ECHDC1: variants seen among roughly 807,000 people sequenced by gnomAD.
ECHDC1 encodes the protein ethylmalonyl-CoA decarboxylase 1, also known as ethylmalonyl-CoA decarboxylase.
Under a neutral mutation model 29.7 loss-of-function variants are expected in ECHDC1, and 29 were observed. The observed-to-expected ratio is 0.98, with a 90% CI of 0.73 to 1.33. The LOEUF is 1.33. Ranked by LOEUF, ECHDC1 falls within the 40% of genes most tolerant of loss-of-function variation. The probability of loss-of-function intolerance (pLI) is 0.00; values close to 1 mark genes in which losing one functional copy is unlikely to be tolerated. For synonymous variants in ECHDC1, 126 were observed against 123.1 expected (o/e 1.02, Z -0.15); for missense variants, 328 against 350.0 (o/e 0.94, Z 0.50).
At chr6:127,327,414 A>G (rs1235397417) in intron 2 of ECHDC1, among the ~76,000 whole-genome samples, 1 of 152,204 alleles carries the variant, frequency 6.6e-6, no homozygotes, top group African/African-American at 2.4e-5. Flanking sequence ...ATGTAGAAGA[A>G]TAAGAATATA....
At chr6:127,324,281 A>G (rs1191533136) in intron 3 of ECHDC1, among the ~76,000 whole-genome samples, 20 of 152,202 alleles carry the variant, frequency 1.3e-4, no homozygotes, top group Admixed American at 1.3e-3. Context: ...AAAATGTTAC[A>G]GTAGCTCCCT....
At chr6:127,315,298 T>G (rs997324067) in intron 4 of ECHDC1, 3 of 354,294 alleles carry the variant, frequency 8.5e-6, no homozygotes, top group African/African-American at 6.4e-5. Context: ...TGGTATCAGG[T>G]TAAAAGTTGG....
intron 5 of ECHDC1, 109 bp downstream of exon 5, chr6:127,314,707 A>G (rs1373504633): frequency 3.9e-6 from 3 of 767,902 alleles, no homozygotes; most frequent in Non-Finnish European, 6.1e-6. Flanking sequence ...CAGAAAAGAA[A>G]ATAGGTTTAT....
intron 5 of ECHDC1, among the ~76,000 whole-genome samples, chr6:127,314,608 A>T (rs1782209615): frequency 6.6e-6 from 1 of 152,054 alleles, no homozygotes; most frequent in South Asian, 2.1e-4. Flanking sequence ...TGTTTTGTTA[A>T]TTTTTTGAAA....
chr6:127,311,448 C>T (rs1781891610), intron 5 of ECHDC1, among the ~76,000 whole-genome samples: 1 of 151,546 alleles, frequency 6.6e-6, no homozygotes. Flanking sequence ...CAGAGGCAGG[C>T]CCTGGATCAC....
At chr6:127,319,814 A>G (rs1782693185) in intron 3 of ECHDC1, among the ~76,000 whole-genome samples, 1 of 152,222 alleles carries the variant, frequency 6.6e-6, no homozygotes, top group South Asian at 2.1e-4. Context: ...GCTCCTTCTC[A>G]TAAAACAAGG....
At chr6:127,297,155 A>T (rs1780676506) in intron 5 of ECHDC1, among the ~76,000 whole-genome samples, 1 of 152,252 alleles carries the variant, frequency 6.6e-6, no homozygotes, top group Admixed American at 6.5e-5. Context: ...GGAATGCAAG[A>T]CTTGTCTATC....
chr6:127,299,447 TAA>T lies in ECHDC1; in HGVS notation c.498-9172_498-9171del, dbSNP rs78172720. Among the ~76,000 whole-genome samples the T allele has an allele frequency of 1.1e-4, 8 of 72,738 alleles. No individual in the cohort carries two copies. The East Asian group carries it at 1.9e-3, about 17-fold the overall frequency. 47.7% of individuals were successfully genotyped at this position (72,738 alleles called of 152,430 possible). On this transcript the variant is annotated intron_variant, in intron 5 of 5. Transcript: ENST00000454859. ...TGTGTGTGTTTGTCTTAGCTTTTAA[TAA>T]AAAAAAAAAAAAACTTTTAAAAAAG...
At chr6:127,305,547 GTCTTA>G (rs200431112) in intron 5 of ECHDC1, among the ~76,000 whole-genome samples, 2,434 of 152,174 alleles carry the variant, frequency 0.016, 41 homozygotes, top group Middle Eastern at 0.054. Flanking sequence ...CTGTAACTGT[GTCTTA>G]TCTTAAGTAG....
At chr6:127,317,745 T>TAGTTACCAAGTAC (rs1196964913) in intron 3 of ECHDC1, 1 of 151,318 alleles carries the variant, frequency 6.6e-6, no homozygotes, top group Non-Finnish European at 1.5e-5. Context: ...CACACTCAGT[T>TAGTTACCAAGTAC]AGTTACCAAG....
At position 127,290,144 on chromosome 6, in the gene ECHDC1, T is replaced by A; in HGVS notation, c.631A>T (p.Lys211Ter). The A allele has an allele frequency of 3.1e-6, 5 of 1,613,764 alleles. No individual in the cohort carries two copies. Among genetic ancestry groups the A allele is most frequent in the Non-Finnish European group, 4.2e-6 (5 of 1,179,778 alleles). ...QALKVLSGAL[K>*]LDSKNALNIG... ...TTTAGAGCATTTTTTGAATCCAGTT[T>A]AAGGGCCCCACTCAACACTTTGAGA... The change falls in exon 6 of 6, where the codon AAA (lysine) becomes TAA (stop). Residue 211 changes from lysine (K) to a stop codon, truncating the protein, a stop_gained. Coordinates refer to ENST00000454859, the MANE Select transcript of ECHDC1 (RefSeq NM_001002030.2). LOFTEE classifies it high-confidence loss of function.
intron 3 of ECHDC1, among the ~76,000 whole-genome samples, chr6:127,320,745 G>A (rs577133384): frequency 2.6e-5 from 4 of 152,068 alleles, no homozygotes; most frequent in South Asian, 4.2e-4. Context: ...TTTCAGCAGG[G>A]TTAATGTTTG....
rs745971048 is a variant in ECHDC1 at position 127,327,029 on chromosome 6, A to G, written c.336T>C (p.Asn112=). 6.2e-7 allele frequency: 1 copy of G among 1,613,994 alleles called. No homozygotes were observed. The highest frequency in any genetic ancestry group is 8.5e-7 in the Non-Finnish European group (1 of 1,179,960). ...CTGGAGTTCCTAGTGATTTCACAGC[A>G]TTCAGATCAGATCCTGAAGAGAAAG... is the stretch of plus-strand genomic sequence containing the variant. ...KNTFSSGSDL[N]AVKSLGTPED... Residue 112 remains asparagine, a synonymous_variant, in exon 3 of 6, where the codon AAT becomes AAC. Transcript: ENST00000454859.
intron 5 of ECHDC1, among the ~76,000 whole-genome samples, chr6:127,301,441 CAT>C (rs1047068418): frequency 6.6e-6 from 1 of 152,176 alleles, no homozygotes; most frequent in Non-Finnish European, 1.5e-5. Context: ...AGGGCCAACA[CAT>C]ATAAAGAAGG....
intron 1 of ECHDC1, chr6:127,342,243 C>G: frequency 8.9e-7 from 1 of 1,126,238 alleles, no homozygotes; most frequent in South Asian, 1.8e-5. Context: ...GTCTTAGCTG[C>G]AAGAGGGCAT....
At chr6:127,313,640 T>C (rs185131060) in intron 5 of ECHDC1, 18 of 454,482 alleles carry the variant, frequency 4.0e-5, no homozygotes, top group African/African-American at 3.0e-4. Context: ...ATATCCAGTA[T>C]TTTTCTTAGC....
chr6:127,303,084 G>A (rs1373346066), intron 5 of ECHDC1, among the ~76,000 whole-genome samples: 1 of 152,070 alleles, frequency 6.6e-6, no homozygotes, highest in African/African-American at 2.4e-5. Context: ...TGAGCATGAA[G>A]TGACATATTT....
intron 5 of ECHDC1, among the ~76,000 whole-genome samples, chr6:127,291,442 T>C (rs1780173808): frequency 6.6e-6 from 1 of 152,046 alleles, no homozygotes; most frequent in African/African-American, 2.4e-5. Context: ...TGGATTAGAC[T>C]GATAGCAGTG....
At chr6:127,311,669 C>CAAAAAAAAAAAAAAAAAAAAAAA (rs71272311) in intron 5 of ECHDC1, among the ~76,000 whole-genome samples, 22 of 25,046 alleles carry the variant, frequency 8.8e-4, no homozygotes, top group Non-Finnish European at 1.4e-3. Flanking sequence ...GGCTCTGTCT[C>CAAAAAAAAAAAAAAAAAAAAAAA]AAAAAAAAAA....
Sources: gnomAD v4.1 joint callset for allele counts (sites outside exome capture counted in the v4.1 genomes callset) on GRCh38, gnomAD v4.1.1 for gene constraint, MANE v1.5 for transcripts, NCBI Gene and HGNC (gene_info 2026-07-23, HGNC 2026-07-21) for gene names.